The following CEP41 variants were observed in gnomAD, a reference collection of about 807,000 sequenced individuals.
CEP41 encodes centrosomal protein 41, also known as centrosomal protein of 41 kDa.
A neutral mutation model predicts 44.3 loss-of-function variants in CEP41; 32 were observed. That is an observed-to-expected ratio of 0.72 (90% CI 0.54 to 0.97). The LOEUF (loss-of-function observed/expected upper bound fraction) is 0.97. Ranked by LOEUF, CEP41 falls within the 50% of genes least tolerant of loss-of-function variation. CEP41 has a pLI of 0.00. For missense variants in CEP41, 432 were observed against 455.2 expected, an observed-to-expected ratio of 0.95 and a Z score of 0.46; for synonymous variants, 151 against 168.5, an observed-to-expected ratio of 0.90 and a Z score of 0.80.
chr7:130,406,002 AAAC>A (rs1445092293), intron 5 of CEP41, among the ~76,000 whole-genome samples: 1 of 152,238 alleles, frequency 6.6e-6, no homozygotes, highest in Non-Finnish European at 1.5e-5. Context: ...AAAATATGTA[AAAC>A]AACGACGTTC....
chr7:130,401,970 T>TCTGTGA, intron 7 of CEP41, 22 bp from the exon 8 acceptor site: 1 of 1,567,078 alleles, frequency 6.4e-7, no homozygotes, highest in Non-Finnish European at 8.8e-7. Flanking sequence ...AGAAAAAGTT[T>TCTGTGA]AGGAAGTCTG....
rs193092515 is a variant in CEP41 at position 130,421,120 on chromosome 7, G to A, written c.98-4154C>T. 33 of 985,210 alleles carry A rather than the reference G, an allele frequency of 3.3e-5. No homozygotes were observed. In the East Asian group the frequency reaches 7.9e-4, roughly 24 times the overall value. 61.0% of individuals were successfully genotyped at this position (985,210 alleles called of 1,614,324 possible). Reference sequence around the variant, plus strand: ...TAGAATCAAGAGGAAGAAACAACCCGACTATAGCAACAGTGCTGTGCAAAC... The same window carrying A: ...TAGAATCAAGAGGAAGAAACAACCCAACTATAGCAACAGTGCTGTGCAAAC... On this transcript the variant is annotated intron_variant, in intron 2 of 10. Coordinates refer to ENST00000223208, the MANE Select transcript of CEP41 (RefSeq NM_018718.3).
At chr7:130,433,237 G>A (rs782799401) in intron 1 of CEP41, among the ~76,000 whole-genome samples, 2 of 152,004 alleles carry the variant, frequency 1.3e-5, no homozygotes, top group African/African-American at 2.4e-5. Context: ...TATGAGAGGC[G>A]AAGGAGGAAA....
chr7:130,417,009 G>T, intron 2 of CEP41, 43 bp from the exon 3 acceptor site: 2 of 1,430,110 alleles, frequency 1.4e-6, no homozygotes, highest in Non-Finnish European at 2.0e-6. Flanking sequence ...TTAAATGGAA[G>T]CAAATGAGTA....
At chr7:130,402,922 A>AAG in intron 6 of CEP41, 123 bp from the exon 7 acceptor site, 1 of 1,001,144 alleles carries the variant, frequency 1.0e-6, no homozygotes, top group Non-Finnish European at 1.6e-6. Context: ...TTCAAAGGCA[A>AAG]AGGAAAATGG....
chr7:130,403,637 G>C (rs1241058685), intron 6 of CEP41, among the ~76,000 whole-genome samples: 4 of 152,170 alleles, frequency 2.6e-5, no homozygotes, highest in Admixed American at 6.5e-5. Flanking sequence ...CTAAATCACA[G>C]ATTAGTATGT....
Position 130,418,969 on chromosome 7 carries a change from T to C in CEP41, c.98-2003A>G, listed in dbSNP as rs576127696. 9.1e-5 allele frequency: 53 copies of C among 583,384 alleles called. No homozygotes were observed. The African/African-American group carries it at 1.0e-3, about 11-fold the overall frequency. 36.1% of individuals were successfully genotyped at this position (583,384 alleles called of 1,614,324 possible). A position where few individuals can be genotyped will look rare whatever the true frequency, so the allele number is the denominator to read the frequency against. On this transcript the variant is annotated intron_variant, in intron 2 of 10. Coordinates refer to ENST00000223208, the MANE Select transcript of CEP41 (RefSeq NM_018718.3). ...AACCTTATTTATCCAGTCTTTATTA[T>C]TGAAACACTGCATTTCCAAACCACA... is the stretch of plus-strand genomic sequence containing the variant.
At chr7:130,431,060 T>G (rs1314920722) in intron 1 of CEP41, among the ~76,000 whole-genome samples, 2 of 152,212 alleles carry the variant, frequency 1.3e-5, no homozygotes, top group African/African-American at 4.8e-5. Flanking sequence ...AAAATGTAGT[T>G]TCTTTTCTGT....
At chr7:130,403,856 T>C (rs1184638284) in intron 6 of CEP41, among the ~76,000 whole-genome samples, 4 of 152,168 alleles carry the variant, frequency 2.6e-5, no homozygotes, top group African/African-American at 9.7e-5. Flanking sequence ...ACTATAATAA[T>C]ATAAAGCTAA....
intron 2 of CEP41, chr7:130,419,748 A>T: frequency 2.0e-6 from 2 of 985,242 alleles, no homozygotes; most frequent in Non-Finnish European, 2.4e-6. Flanking sequence ...TGTTGCCTTA[A>T]TTACTTAACT....
upstream of CEP41, chr7:130,441,357 T>TA (rs1248452802): frequency 1.5e-5 from 6 of 390,052 alleles, no homozygotes; most frequent in African/African-American, 4.2e-5. Flanking sequence ...GAACCATAAA[T>TA]ACAACACAAG....
intron 7 of CEP41, among the ~76,000 whole-genome samples, chr7:130,402,221 C>T (rs1796866097): frequency 6.6e-6 from 1 of 151,888 alleles, no homozygotes; most frequent in African/African-American, 2.4e-5. Flanking sequence ...TGGCATATGC[C>T]TGTAGTCCCA....
chr7:130,416,546 AC>A (rs1554420932), intron 3 of CEP41, among the ~76,000 whole-genome samples: 1 of 152,200 alleles, frequency 6.6e-6, no homozygotes, highest in African/African-American at 2.4e-5. Context: ...AGATATTATT[AC>A]CCCCTATCTC....
At chr7:130,409,358 A>G (rs1797106071) in intron 5 of CEP41, among the ~76,000 whole-genome samples, 1 of 152,218 alleles carries the variant, frequency 6.6e-6, no homozygotes, top group African/African-American at 2.4e-5. Context: ...TGGTGCTGCA[A>G]TCTCAACAAT....
At position 130,394,148 on chromosome 7, in the gene CEP41, G is replaced by T; in HGVS notation, c.*4743C>A. The T allele has an allele frequency of 2.2e-6, 1 of 454,110 alleles. No homozygotes were observed. Among genetic ancestry groups the T allele is most frequent in the Non-Finnish European group, 4.4e-6 (1 of 226,788 alleles). 28.1% of individuals were successfully genotyped at this position (454,110 alleles called of 1,614,324 possible). A position where few individuals can be genotyped will look rare whatever the true frequency, so the allele number is the denominator to read the frequency against. On this transcript the variant is annotated 3_prime_UTR_variant, in exon 11 of 11. Transcript: ENST00000223208. ...GTAAGTTAGAGGCATCACCAAAGGAGAACATGGTTGTGCCCACCCAGAGTG... is the reference window on the plus strand; with the variant it reads ...GTAAGTTAGAGGCATCACCAAAGGATAACATGGTTGTGCCCACCCAGAGTG...
At chr7:130,399,502 G>A (rs150439885) in intron 10 of CEP41, 8 of 225,244 alleles carry the variant, frequency 3.6e-5, no homozygotes, top group South Asian at 1.4e-4. Flanking sequence ...AATTTTACCT[G>A]AGATATACTT....
In CEP41 at chr7:130,394,624, G is replaced by T. The variant is rs782635733; in HGVS notation, c.*4267C>A. On this transcript the variant is annotated 3_prime_UTR_variant, in exon 11 of 11. Transcript: ENST00000223208. ...AAAACCTCAGGGTTTTGAATGCCTC[G>T]CCCACAAAGGCAGGATACACAAGGG... 1 of 453,502 alleles carries T rather than the reference G, an allele frequency of 2.2e-6. No homozygotes were observed. The highest frequency in any genetic ancestry group is 4.4e-6 in the Non-Finnish European group (1 of 226,372). The allele number at this position is 453,502 out of a possible 1,614,324, so 28.1% of individuals were successfully genotyped here.
intron 1 of CEP41, among the ~76,000 whole-genome samples, chr7:130,429,001 T>C (rs1326235273): frequency 6.6e-6 from 1 of 152,236 alleles, no homozygotes; most frequent in East Asian, 1.9e-4. Flanking sequence ...AGTCCACTGT[T>C]GCAACCCACT....
chr7:130,397,701 C>CGCTCTTTT lies in CEP41; in HGVS notation c.*1182_*1189dup. ...GATCACAGACCATAAAAATTAACAC[C>CGCTCTTTT]GCTCTTTTCCATCTGATTTCAGAGT... is the stretch of plus-strand genomic sequence containing the variant. On this transcript the variant is annotated 3_prime_UTR_variant, in exon 11 of 11. Transcript: ENST00000223208. The CGCTCTTTT allele has an allele frequency of 2.2e-6, 1 of 454,166 alleles. No individual in the cohort carries two copies. Among genetic ancestry groups the CGCTCTTTT allele is most frequent in the South Asian group, 1.6e-5 (1 of 64,368 alleles). 28.1% of individuals were successfully genotyped at this position (454,166 alleles called of 1,614,324 possible). A position where few individuals can be genotyped will look rare whatever the true frequency, so the allele number is the denominator to read the frequency against.
Sources: allele counts gnomAD v4.1 joint callset (sites outside exome capture counted in the v4.1 genomes callset), GRCh38; gene constraint gnomAD v4.1.1; transcripts MANE v1.5; gene names NCBI Gene and HGNC (gene_info 2026-07-23, HGNC 2026-07-21).